Variants in SLIT3 observed in about 807,000 individuals in gnomAD.
SLIT3 encodes slit guidance ligand 3.
A neutral mutation model predicts 184.0 loss-of-function variants in SLIT3; 68 were observed. The observed-to-expected ratio is 0.37, with a 90% CI of 0.30 to 0.45. The LOEUF is 0.45. Among genes scored for constraint, SLIT3 ranks in the 20% least tolerant of loss-of-function variants. The probability of loss-of-function intolerance (pLI) is 1.00; values close to 1 mark genes in which losing one functional copy is unlikely to be tolerated. For synonymous variants in SLIT3, 831 were observed against 828.6 expected, an observed-to-expected ratio of 1.00 and a Z score of -0.05; for missense variants, 1,707 against 2,026.0, an observed-to-expected ratio of 0.84 and a Z score of 3.02.
intron 9 of SLIT3, among the ~76,000 whole-genome samples, chr5:168,798,465 G>C (rs900515551): frequency 1.3e-5 from 2 of 152,088 alleles, no homozygotes; most frequent in Admixed American, 6.5e-5. Context: ...CTGGCTTCAA[G>C]CAATCCTCCT....
chr5:169,184,556 T>C (rs1201262538), intron 4 of SLIT3, among the ~76,000 whole-genome samples: 1 of 152,226 alleles, frequency 6.6e-6, no homozygotes, highest in Non-Finnish European at 1.5e-5. Flanking sequence ...GATCGATGTT[T>C]CTTAAAGTAT....
intron 23 of SLIT3, 193 bp from the exon 24 acceptor site, chr5:168,712,547 G>C: frequency 1.7e-6 from 1 of 588,750 alleles, no homozygotes; most frequent in South Asian, 2.1e-5. Flanking sequence ...AGGATGGAGG[G>C]AGTAGAGGGT....
rs576434527 is a variant in SLIT3, at chr5:168,809,954, TCTTTCCACCACAG to T, written c.794-3380_794-3368del. Among the ~76,000 whole-genome samples, 457 of 152,260 alleles carry T rather than the reference TCTTTCCACCACAG, an allele frequency of 3.0e-3. 3 individuals carry two copies. The highest frequency in any genetic ancestry group is 0.01 in the African/African-American group (431 of 41,536). On this transcript the variant is annotated intron_variant, in intron 8 of 35. Coordinates refer to ENST00000519560, the MANE Select transcript of SLIT3 (RefSeq NM_003062.4). ...GATGGGACTCTGTCTGCAGCTCTCTTCTTTCCACCACAGCTTTCCATGCTGGCAAAATCACTTG... is the reference window on the plus strand; with the variant it reads ...GATGGGACTCTGTCTGCAGCTCTCTTCTTTCCATGCTGGCAAAATCACTTG...
intron 3 of SLIT3, among the ~76,000 whole-genome samples, chr5:169,212,832 GA>G (rs1438348016): frequency 3.3e-5 from 5 of 152,136 alleles, no homozygotes; most frequent in African/African-American, 1.2e-4. Context: ...AAGGTATAAG[GA>G]AGGCGTCCAG....
chr5:168,828,657 T>TAAAAAAAAAAAAAAAA (rs1482352553), intron 6 of SLIT3, among the ~76,000 whole-genome samples: 2 of 34,836 alleles, frequency 5.7e-5, no homozygotes, highest in Non-Finnish European at 1.1e-4. Flanking sequence ...AGATCCTGAC[T>TAAAAAAAAAAAAAAAA]CAAAAAAAAA....
intron 4 of SLIT3, among the ~76,000 whole-genome samples, chr5:169,179,276 CTTTTTTTT>C (rs370270230): frequency 1.6e-5 from 2 of 125,048 alleles, no homozygotes; most frequent in East Asian, 2.3e-4. Flanking sequence ...ATTCCTTTTT[CTTTTTTTT>C]TTTTTTTTTT....
chr5:168,761,537 G>A (rs532835193), intron 15 of SLIT3, among the ~76,000 whole-genome samples: 1 of 151,964 alleles, frequency 6.6e-6, no homozygotes. Flanking sequence ...ATCTTTCTTA[G>A]TCTCCCCAAC....
At position 169,101,280 on chromosome 5, in the gene SLIT3, GTCCCTTGAATGGT is replaced by G. The variant is rs1271207478; in HGVS notation, c.413+92186_413+92198del. 8.5e-5 allele frequency among the ~76,000 whole-genome samples: 13 copies of G among 152,258 alleles called. No homozygotes were observed. In the East Asian group the frequency reaches 1.7e-3, roughly 20 times the overall value. On this transcript the variant is annotated intron_variant, in intron 4 of 35. Transcript: ENST00000519560. The stretch of plus-strand genomic sequence containing the variant: ...AACATCCCACCCAAGGTCATTACTG[GTCCCTTGAATGGT>G]TCCTCTTCACAGGACAGGACGTGGG...
chr5:168,684,931 G>A (rs1004475521), intron 31 of SLIT3, among the ~76,000 whole-genome samples: 6 of 151,946 alleles, frequency 3.9e-5, no homozygotes, highest in African/African-American at 1.5e-4. Context: ...GTGGGGCCCA[G>A]GCAAAGATAA....
intron 4 of SLIT3, among the ~76,000 whole-genome samples, chr5:168,902,451 A>C (rs1760901976): frequency 6.6e-6 from 1 of 152,216 alleles, no homozygotes; most frequent in Non-Finnish European, 1.5e-5. Context: ...ACAACAGGAG[A>C]GCTCAATGCG....
intron 14 of SLIT3, 86 bp from the exon 15 acceptor site, chr5:168,762,775 G>A: frequency 7.2e-7 from 1 of 1,395,652 alleles, no homozygotes; most frequent in Non-Finnish European, 1.0e-6. Flanking sequence ...GGGAGACAGA[G>A]ATGGGGGAAT....
At chr5:168,745,306 A>G (rs1382188644) in intron 20 of SLIT3, among the ~76,000 whole-genome samples, 1 of 152,256 alleles carries the variant, frequency 6.6e-6, no homozygotes, top group Non-Finnish European at 1.5e-5. Context: ...AATGGAATCT[A>G]CTTTTGGTGA....
At chr5:168,861,836 C>T (rs1759120550) in intron 5 of SLIT3, among the ~76,000 whole-genome samples, 1 of 152,154 alleles carries the variant, frequency 6.6e-6, no homozygotes, top group South Asian at 2.1e-4. Context: ...TAAAGAGAGC[C>T]CAGGAAGAGT....
At chr5:168,768,692 A>G (rs913743005) in intron 14 of SLIT3, among the ~76,000 whole-genome samples, 8 of 152,228 alleles carry the variant, frequency 5.3e-5, no homozygotes, top group African/African-American at 1.9e-4. Context: ...CATCACAGTC[A>G]TTCCTCTAGC....
intron 4 of SLIT3, among the ~76,000 whole-genome samples, chr5:168,987,580 G>C (rs189533661): frequency 3.3e-5 from 5 of 152,334 alleles, no homozygotes; most frequent in African/African-American, 9.6e-5. Context: ...ACTGCTAAGC[G>C]TATTTATCAC....
At chr5:168,984,533 C>T (rs1476260068) in intron 4 of SLIT3, among the ~76,000 whole-genome samples, 8 of 152,074 alleles carry the variant, frequency 5.3e-5, no homozygotes, top group Admixed American at 2.6e-4. Flanking sequence ...TGTATAAGAC[C>T]AACAACAGGG....
chr5:169,030,346 C>T (rs1756981255), intron 4 of SLIT3: 1 of 152,172 alleles, frequency 6.6e-6, no homozygotes, highest in African/African-American at 2.4e-5. Flanking sequence ...ACTATTTCTC[C>T]ACTTCCCACC....
chr5:168,753,901 C>T lies in SLIT3; in HGVS notation c.1792G>A (p.Gly598Arg), dbSNP rs772574544. ...LTGNQLETVH[G>R]RVFRGLSGLK... ...CCACTGAGGCCACGGAACACGCGCC[C>T]GTGCACGGTCTCCAGCTGGTTCCCT... The change falls in exon 17 of 36, where the codon GGG becomes AGG. Residue 598 changes from glycine to arginine, a missense_variant. By Grantham distance (125) the Gly-to-Arg change is moderately radical. This residue lies in a region of SLIT3 where 1,307 missense variants were observed against 1,511.6 expected (regional missense o/e 0.86). Coordinates refer to ENST00000519560, the MANE Select transcript of SLIT3 (RefSeq NM_003062.4). 36 of 1,611,874 alleles carry T rather than the reference C, an allele frequency of 2.2e-5. No individual in the cohort carries two copies. Among genetic ancestry groups the T allele is most frequent in the East Asian group, 2.2e-5 (1 of 44,898 alleles).
intron 5 of SLIT3, among the ~76,000 whole-genome samples, chr5:168,847,125 C>T (rs764188206): frequency 7.9e-5 from 12 of 152,046 alleles, no homozygotes; most frequent in African/African-American, 1.4e-4. Context: ...AATTACGTGA[C>T]GTTTAAATAT....
Sources: allele counts gnomAD v4.1 joint callset (sites outside exome capture counted in the v4.1 genomes callset), GRCh38; gene constraint gnomAD v4.1.1; regional missense constraint gnomAD v4.1.1; transcripts MANE v1.5; gene names NCBI Gene and HGNC (gene_info 2026-07-23, HGNC 2026-07-21).